MAGI2: variants seen among roughly 807,000 people sequenced by gnomAD.
MAGI2 encodes the protein membrane associated guanylate kinase, WW and PDZ domain containing 2, also known as membrane-associated guanylate kinase, WW and PDZ domain-containing protein 2.
In MAGI2, 35 loss-of-function variants were observed where a neutral mutation model predicts 133.3. The ratio of observed to expected loss-of-function variants is 0.26; its 90% CI spans 0.20 to 0.35. The LOEUF is 0.35. Ranked by LOEUF, MAGI2 falls within the 10% of genes least tolerant of loss-of-function variation. The probability of loss-of-function intolerance (pLI) is 1.00; values close to 1 mark genes in which losing one functional copy is unlikely to be tolerated. For synonymous variants in MAGI2, 729 were observed against 710.6 expected (o/e 1.03, Z -0.41); for missense variants, 1,636 against 1,863.4 (o/e 0.88, Z 2.25).
intron 2 of MAGI2, among the ~76,000 whole-genome samples, chr7:78,638,579 T>A (rs1249990386): frequency 6.6e-6 from 1 of 152,210 alleles, no homozygotes; most frequent in Non-Finnish European, 1.5e-5. Flanking sequence ...GATTCCTTGG[T>A]AGCTATAGTC....
intron 1 of MAGI2, among the ~76,000 whole-genome samples, chr7:79,166,646 T>C (rs1056166624): frequency 1.3e-5 from 2 of 152,108 alleles, no homozygotes; most frequent in Admixed American, 6.6e-5. Context: ...TTCCACAATG[T>C]CTCCATTAAA....
chr7:79,252,305 G>A (rs1833364642), intron 1 of MAGI2, among the ~76,000 whole-genome samples: 2 of 152,008 alleles, frequency 1.3e-5, no homozygotes, highest in South Asian at 4.2e-4. Flanking sequence ...ATTACATTAA[G>A]TAAAATAAGC....
rs553260995 is a variant in MAGI2 at position 78,478,402 on chromosome 7, T to C, written c.1045+11359A>G. Among the ~76,000 whole-genome samples, 4 of 152,098 alleles carry C rather than the reference T, an allele frequency of 2.6e-5. No individual in the cohort carries two copies. In the South Asian group the frequency reaches 8.3e-4, roughly 32 times the overall value. Reference sequence around the variant, plus strand: ...CATTGATATCCATTTTAAACTCAGATGACTTGGATCCAAGCCTCATTTTCT... The same window carrying C: ...CATTGATATCCATTTTAAACTCAGACGACTTGGATCCAAGCCTCATTTTCT... On this transcript the variant is annotated intron_variant, in intron 6 of 21. Coordinates refer to ENST00000354212, the MANE Select transcript of MAGI2 (RefSeq NM_012301.4).
intron 6 of MAGI2, among the ~76,000 whole-genome samples, chr7:78,454,934 C>A (rs1235160014): frequency 2.6e-5 from 4 of 152,070 alleles, no homozygotes; most frequent in Non-Finnish European, 5.9e-5. Flanking sequence ...GGGTGGAGCA[C>A]AGGGGGTTTC....
intron 1 of MAGI2, among the ~76,000 whole-genome samples, chr7:79,312,223 T>C (rs1236377118): frequency 1.3e-5 from 2 of 152,210 alleles, no homozygotes; most frequent in African/African-American, 2.4e-5. Flanking sequence ...ATTCTAGTCA[T>C]GTCATGTCAG....
chr7:79,377,423 G>A (rs550064204), intron 1 of MAGI2, among the ~76,000 whole-genome samples: 9 of 151,892 alleles, frequency 5.9e-5, no homozygotes, highest in African/African-American at 9.6e-5. Context: ...ATTTTCCGCT[G>A]GAGGACGAGA....
At chr7:78,070,962 T>G (rs897614110) in intron 21 of MAGI2, among the ~76,000 whole-genome samples, 2 of 151,992 alleles carry the variant, frequency 1.3e-5, no homozygotes, top group African/African-American at 4.8e-5. Flanking sequence ...AATGAGCCAC[T>G]GTACCCGGTC....
chr7:79,126,295 G>T (rs1820400680), intron 1 of MAGI2, among the ~76,000 whole-genome samples: 1 of 152,124 alleles, frequency 6.6e-6, no homozygotes, highest in Non-Finnish European at 1.5e-5. Flanking sequence ...ATTCCTTTGG[G>T]AATTCTTTCC....
At chr7:78,919,079 C>T (rs967174118) in intron 2 of MAGI2, among the ~76,000 whole-genome samples, 10 of 152,100 alleles carry the variant, frequency 6.6e-5, no homozygotes, top group Admixed American at 1.3e-4. Context: ...AATAATTTTA[C>T]TGTGGAAACC....
intron 2 of MAGI2, among the ~76,000 whole-genome samples, chr7:78,970,996 T>C (rs762259465): frequency 9.9e-5 from 15 of 152,074 alleles, no homozygotes. Flanking sequence ...CCAAATGACT[T>C]AATGAGAATG....
At chr7:78,536,753 G>GTTT (rs1797975815) in intron 3 of MAGI2, among the ~76,000 whole-genome samples, 4 of 107,806 alleles carry the variant, frequency 3.7e-5, no homozygotes, top group East Asian at 2.7e-4. Flanking sequence ...TTTTGTTTTT[G>GTTT]TTGTTGTTTT....
rs10244938 is a variant in MAGI2 at position 78,417,435 on chromosome 7, C to T, written c.1046-48222G>A. On this transcript the variant is annotated intron_variant, in intron 6 of 21. Transcript: ENST00000354212. ...TAGCCTTCCCTGAGCTGCCTTTATC[C>T]CTGTCACCAAAAGTTTATCAATCAC... Among the ~76,000 whole-genome samples, 277 of 152,154 alleles carry T rather than the reference C, an allele frequency of 1.8e-3. 3 individuals are homozygous for T. Among genetic ancestry groups the T allele is most frequent in the African/African-American group, 5.9e-3 (247 of 41,538 alleles).
At position 78,211,354 on chromosome 7, in the gene MAGI2, G is replaced by GA. The variant is rs148410624; in HGVS notation, c.2048-10162dup. Among the ~76,000 whole-genome samples the GA allele has an allele frequency of 3.1e-3, 466 of 152,288 alleles. 17 individuals carry two copies. The East Asian group carries it at 0.053, about 17-fold the overall frequency. On this transcript the variant is annotated intron_variant, in intron 10 of 21. Coordinates refer to ENST00000354212, the MANE Select transcript of MAGI2 (RefSeq NM_012301.4). ...GGTTATGAGGCAAAGATAGAAACAG[G>GA]AACACAATTTCTGAGGTGGTGGAGT...
At chr7:78,289,746 A>G (rs1796509750) in intron 9 of MAGI2, among the ~76,000 whole-genome samples, 1 of 152,222 alleles carries the variant, frequency 6.6e-6, no homozygotes. Context: ...CGTCAGACTA[A>G]CAGCAGATCT....
chr7:79,181,376 C>T (rs1311576108), intron 1 of MAGI2, among the ~76,000 whole-genome samples: 2 of 151,948 alleles, frequency 1.3e-5, no homozygotes, highest in East Asian at 1.9e-4. Flanking sequence ...GGCTCAACAC[C>T]ATGTGGAAGC....
At chr7:78,699,180 G>A (rs974718813) in intron 2 of MAGI2, among the ~76,000 whole-genome samples, 2 of 152,102 alleles carry the variant, frequency 1.3e-5, no homozygotes, top group Non-Finnish European at 2.9e-5. Flanking sequence ...CATGATCTTG[G>A]CTCAATGCAA....
At chr7:78,765,265 T>C (rs1824896607) in intron 2 of MAGI2, among the ~76,000 whole-genome samples, 1 of 151,860 alleles carries the variant, frequency 6.6e-6, no homozygotes, top group Admixed American at 6.5e-5. Context: ...CTAGTTACAC[T>C]ATCTTTTCCC....
At chr7:78,537,926 C>G (rs567516553) in intron 3 of MAGI2, among the ~76,000 whole-genome samples, 36 of 152,248 alleles carry the variant, frequency 2.4e-4, no homozygotes, top group Non-Finnish European at 4.1e-4. Flanking sequence ...GAGTCAATGT[C>G]TAGAAGGGTT....
chr7:78,465,804 C>T (rs774382528), intron 6 of MAGI2, among the ~76,000 whole-genome samples: 3 of 152,162 alleles, frequency 2.0e-5, no homozygotes, highest in Non-Finnish European at 4.4e-5. Context: ...AATCCGTAAA[C>T]CAAATCCCTT....
Sources: allele counts gnomAD v4.1 joint callset (sites outside exome capture counted in the v4.1 genomes callset), GRCh38; gene constraint gnomAD v4.1.1; transcripts MANE v1.5; gene names NCBI Gene and HGNC (gene_info 2026-07-23, HGNC 2026-07-21).